KCTD1: variants seen among roughly 807,000 people sequenced by gnomAD.
The protein encoded by KCTD1 is BTB/POZ domain-containing protein KCTD1.
In KCTD1, 24 loss-of-function variants were observed where a neutral mutation model predicts 66.0. The observed-to-expected ratio is 0.36, with a 90% CI of 0.26 to 0.51. The LOEUF is 0.51. KCTD1 is among the 20% of genes least tolerant of loss of function. KCTD1 has a pLI of 0.95. For missense variants in KCTD1, 943 were observed against 1,205.2 expected (o/e 0.78, Z 3.22); for synonymous variants, 511 against 517.2 (o/e 0.99, Z 0.16).
chr18:26,567,843 A>G (rs961228367), intron 1 of KCTD1, among the ~76,000 whole-genome samples: 3 of 152,024 alleles, frequency 2.0e-5, no homozygotes, highest in Admixed American at 1.3e-4. Context: ...GAAGATTGAG[A>G]TTTCTTTTAA....
At chr18:26,489,158 C>T (rs966712964) in intron 2 of KCTD1, among the ~76,000 whole-genome samples, 9 of 152,238 alleles carry the variant, frequency 5.9e-5, no homozygotes, top group African/African-American at 2.2e-4. Flanking sequence ...CACTTCCTAT[C>T]TCCAGGCAGC....
intron 1 of KCTD1, among the ~76,000 whole-genome samples, chr18:26,540,650 C>T (rs73944615): frequency 0.12 from 18,757 of 152,150 alleles, 1,613 homozygotes; most frequent in African/African-American, 0.25. Flanking sequence ...TCCACTTCCA[C>T]TCAATGAATA....
In KCTD1 at chr18:26,525,343, T is replaced by C. The variant is rs112135938; in HGVS notation, c.1809+21385A>G. ...CTGCAACAATGCATGTGCTCTGATC[T>C]GCTGGCGGAACAAATCTGCTTCATT... is the stretch of plus-strand genomic sequence containing the variant. On this transcript the variant is annotated intron_variant, in intron 1 of 4. Coordinates refer to ENST00000580059, the MANE Select transcript of KCTD1 (RefSeq NM_001142730.3). Among the ~76,000 whole-genome samples, 165 of 152,330 alleles carry C rather than the reference T, an allele frequency of 1.1e-3. 3 individuals are homozygous for C. The highest frequency in any genetic ancestry group is 3.6e-3 in the African/African-American group (148 of 41,574).
intron 1 of KCTD1, among the ~76,000 whole-genome samples, chr18:26,605,734 ATC>A (rs1478633964): frequency 3.7e-4 from 41 of 111,360 alleles, no homozygotes; most frequent in Admixed American, 1.6e-3. Context: ...ATATCTATCT[ATC>A]TATCTATCTA....
chr18:26,551,359 G>C (rs985298229), upstream of KCTD1, among the ~76,000 whole-genome samples: 1 of 152,172 alleles, frequency 6.6e-6, no homozygotes, highest in African/African-American at 2.4e-5. Flanking sequence ...TAACGGACTT[G>C]GAAAAGCAGC....
At chr18:26,584,731 A>G (rs7237338) in intron 1 of KCTD1, among the ~76,000 whole-genome samples, 67,953 of 151,908 alleles carry the variant, frequency 0.45, 15,280 homozygotes, top group Non-Finnish European at 0.47. Flanking sequence ...GCTCCCGACC[A>G]CACTGGCTGT....
upstream of KCTD1, among the ~76,000 whole-genome samples, chr18:26,551,216 T>G (rs1985555943): frequency 6.6e-6 from 1 of 152,222 alleles, no homozygotes; most frequent in South Asian, 2.1e-4. Context: ...TGACGTCAAC[T>G]TATTTCCAGA....
At chr18:26,514,549 C>CAAAAA (rs200444964) in intron 1 of KCTD1, among the ~76,000 whole-genome samples, 15 of 121,780 alleles carry the variant, frequency 1.2e-4, no homozygotes, top group African/African-American at 1.7e-4. Context: ...GACCTTGTCT[C>CAAAAA]AAAAAAAAAA....
chr18:26,516,037 T>A (rs1348293682), intron 1 of KCTD1, among the ~76,000 whole-genome samples: 1 of 150,398 alleles, frequency 6.6e-6, no homozygotes, highest in Non-Finnish European at 1.5e-5. Context: ...AGAAAAGGGG[T>A]CAGGGTCAGG....
intron 1 of KCTD1, chr18:26,600,054 G>A (rs1441709734): frequency 6.2e-7 from 1 of 1,611,214 alleles, no homozygotes; most frequent in Non-Finnish European, 8.5e-7. Flanking sequence ...ACTCAGATGA[G>A]CTGCTGGATC....
Position 26,600,659 on chromosome 18 carries a change from G to T in KCTD1, c.-16+28488C>A, listed in dbSNP as rs933533819. 4.6e-5 allele frequency among the ~76,000 whole-genome samples: 7 copies of T among 152,058 alleles called. No homozygotes were observed. The South Asian group carries it at 1.2e-3, about 27-fold the overall frequency. Reference sequence around the variant, plus strand: ...AAAATGCTGACCAGAACACTCTTGAGCCCAGGCATCCTTGAGCATTAACAC... The same window carrying T: ...AAAATGCTGACCAGAACACTCTTGATCCCAGGCATCCTTGAGCATTAACAC... On this transcript the variant is annotated intron_variant, in intron 1 of 4. Coordinates refer to the KCTD1 transcript ENST00000317932.
chr18:26,657,268 T>C, intron 1 of KCTD1: 1 of 922,494 alleles, frequency 1.1e-6, no homozygotes, highest in Non-Finnish European at 1.3e-6. Context: ...TCTCGCCCCA[T>C]GCCTGGCACA....
chr18:26,523,596 G>T (rs1225828319), intron 1 of KCTD1, among the ~76,000 whole-genome samples: 1 of 151,154 alleles, frequency 6.6e-6, no homozygotes, highest in African/African-American at 2.4e-5. Flanking sequence ...GGCCAGCTGG[G>T]ACAACACAGC....
At chr18:26,590,726 G>A (rs1986581018) in intron 1 of KCTD1, among the ~76,000 whole-genome samples, 1 of 152,116 alleles carries the variant, frequency 6.6e-6, no homozygotes, top group Non-Finnish European at 1.5e-5. Flanking sequence ...CATTATGGAT[G>A]AAAACTGCCT....
chr18:26,464,478 C>T lies in KCTD1; in HGVS notation c.2134-4553G>A, dbSNP rs73399504. 4.2e-3 allele frequency among the ~76,000 whole-genome samples: 642 copies of T among 152,360 alleles called. 5 individuals carry two copies. Among genetic ancestry groups the T allele is most frequent in the African/African-American group, 0.015 (616 of 41,580 alleles). ...GCAAAGTCCCCTTTGCCATGCAAAGCATTGTATTCACAGGTTCTGAGGACT... is the reference window on the plus strand; with the variant it reads ...GCAAAGTCCCCTTTGCCATGCAAAGTATTGTATTCACAGGTTCTGAGGACT... On this transcript the variant is annotated intron_variant, in intron 3 of 4. Transcript: ENST00000580059.
At chr18:26,495,045 G>C (rs1324323556) in intron 2 of KCTD1, among the ~76,000 whole-genome samples, 1 of 152,128 alleles carries the variant, frequency 6.6e-6, no homozygotes, top group African/African-American at 2.4e-5. Context: ...ATAATAAAAA[G>C]CTCACTATTC....
At chr18:26,615,216 G>A (rs762978789) in intron 1 of KCTD1, among the ~76,000 whole-genome samples, 4 of 152,152 alleles carry the variant, frequency 2.6e-5, no homozygotes, top group Non-Finnish European at 5.9e-5. Flanking sequence ...CCAGTCCTGA[G>A]GCTCAGCAGA....
At chr18:26,620,323 G>T (rs1987345682) in intron 1 of KCTD1, among the ~76,000 whole-genome samples, 1 of 122,146 alleles carries the variant, frequency 8.2e-6, no homozygotes. Context: ...TCACGTGTGA[G>T]TTTGCATTTG....
intron 2 of KCTD1, among the ~76,000 whole-genome samples, chr18:26,481,202 C>T (rs534089800): frequency 1.1e-3 from 167 of 152,192 alleles, no homozygotes; most frequent in African/African-American, 3.8e-3. Flanking sequence ...TTTAAGTCGT[C>T]GGGGCTGGGA....
Sources: allele counts gnomAD v4.1 joint callset (sites outside exome capture counted in the v4.1 genomes callset), GRCh38; gene constraint gnomAD v4.1.1; transcripts MANE v1.5; gene names NCBI Gene and HGNC (gene_info 2026-07-23, HGNC 2026-07-21).